TOPORS: variants seen among roughly 807,000 people sequenced by gnomAD.
The protein encoded by TOPORS is TOP1 binding arginine/serine rich protein, E3 ubiquitin ligase.
A neutral mutation model predicts 81.4 loss-of-function variants in TOPORS; 25 were observed. The observed-to-expected ratio is 0.31, with a 90% CI of 0.22 to 0.43. The LOEUF (loss-of-function observed/expected upper bound fraction) is 0.43, where lower values mean the gene tolerates loss of function less well. TOPORS is among the 20% of genes least tolerant of loss of function. The pLI is 1.00. For synonymous variants in TOPORS, 473 were observed against 456.6 expected, an observed-to-expected ratio of 1.04 and a Z score of -0.46; for missense variants, 1,101 against 1,267.0, an observed-to-expected ratio of 0.87 and a Z score of 1.99.
intron 1 of TOPORS, 102 bp from the exon 2 acceptor site, chr9:32,551,070 C>T (rs1821241905): frequency 1.5e-6 from 2 of 1,359,542 alleles, no homozygotes; most frequent in Non-Finnish European, 2.0e-6. Flanking sequence ...ACCCGCCTTC[C>T]TCACGCATGC....
intron 1 of TOPORS, chr9:32,551,429 C>T: frequency 3.1e-6 from 1 of 319,586 alleles, no homozygotes; most frequent in Non-Finnish European, 6.2e-6. Context: ...CAGAGCCCAA[C>T]CAGTATCCTA....
chr9:32,545,751 T>A (rs1265096267), intron 2 of TOPORS, among the ~76,000 whole-genome samples: 1 of 152,030 alleles, frequency 6.6e-6, no homozygotes. Context: ...TGAAACTCTG[T>A]CTCAAAACAA....
At position 32,543,838 on chromosome 9, in the gene TOPORS, CTG is replaced by C. The variant is rs780487938; in HGVS notation, c.685_686del (p.Gln229ValfsTer15). The C allele has an allele frequency of 1.2e-6, 2 of 1,614,158 alleles. No individual in the cohort carries two copies. Among genetic ancestry groups the C allele is most frequent in the Non-Finnish European group, 8.5e-7 (1 of 1,180,016 alleles). On this transcript the variant is annotated frameshift_variant, in exon 3 of 3. Transcript: ENST00000360538. LOFTEE classifies it high-confidence loss of function. The surrounding 1 kb of genome is among the most constrained non-coding windows in gnomAD (Gnocchi z 5.6). ...TCCTTACTGCAATCTGTCTCATAAA[CTG>C]AGGAATTTCAACATCTCTAGGTCTT... ...STRPRDVEIP[Q>X]FMRQIAVRRP...
Position 32,541,158 on chromosome 9 carries a change from T to C in TOPORS, c.*229A>G. On this transcript the variant is annotated 3_prime_UTR_variant, in exon 3 of 3. Transcript: ENST00000360538. ...GGACCCCAAGTTTTAAATAAGCTGCTAGCAGTATCATTTTCTTCACTTAAA... is the reference window on the plus strand; with the variant it reads ...GGACCCCAAGTTTTAAATAAGCTGCCAGCAGTATCATTTTCTTCACTTAAA... 1 of 420,446 alleles carries C rather than the reference T, an allele frequency of 2.4e-6. No homozygotes were observed. Among genetic ancestry groups the C allele is most frequent in the Non-Finnish European group, 4.3e-6 (1 of 233,308 alleles). The allele number at this position is 420,446 out of a possible 1,614,324, so 26.0% of individuals were successfully genotyped here. A position where few individuals can be genotyped will look rare whatever the true frequency, so the allele number is the denominator to read the frequency against.
At chr9:32,545,676 G>A (rs534077790) in intron 2 of TOPORS, among the ~76,000 whole-genome samples, 7 of 152,068 alleles carry the variant, frequency 4.6e-5, no homozygotes, top group African/African-American at 1.7e-4. Flanking sequence ...CAGGAGAATC[G>A]CTTGAACCCA....
rs1403651559 is a variant in TOPORS, at chr9:32,540,839, T to C, written c.*548A>G. The C allele has an allele frequency of 1.3e-5, 2 of 152,626 alleles. No individual in the cohort carries two copies. The highest frequency in any genetic ancestry group is 2.9e-5 in the Non-Finnish European group (2 of 68,066). The allele number at this position is 152,626 out of a possible 1,614,324, so 9.5% of individuals were successfully genotyped here. On this transcript the variant is annotated 3_prime_UTR_variant, in exon 3 of 3. Coordinates refer to ENST00000360538, the MANE Select transcript of TOPORS (RefSeq NM_005802.5). The stretch of plus-strand genomic sequence containing the variant: ...GAATACACATTTGTTTTACTGGCAG[T>C]CCAGATAAACAAGTATATAAAGGAA...
chr9:32,547,999 ATTTTTT>A (rs747727912), intron 2 of TOPORS, among the ~76,000 whole-genome samples: 8 of 83,732 alleles, frequency 9.6e-5, no homozygotes, highest in South Asian at 4.4e-4. Flanking sequence ...CACGCTCGGC[ATTTTTT>A]TTTTTTTTTT....
chr9:32,541,374 T>C lies in TOPORS; in HGVS notation c.*13A>G, dbSNP rs865876076. 4 of 1,613,634 alleles carry C rather than the reference T, an allele frequency of 2.5e-6. No individual in the cohort carries two copies. Among genetic ancestry groups the C allele is most frequent in the Middle Eastern group, 1.6e-4 (1 of 6,084 alleles). On this transcript the variant is annotated 3_prime_UTR_variant, in exon 3 of 3. Coordinates refer to ENST00000360538, the MANE Select transcript of TOPORS (RefSeq NM_005802.5). ...TATAACATCATAATTCTCAATGAAA[T>C]GCTTTGGCAGTTTTAAGACATATCA... is the stretch of plus-strand genomic sequence containing the variant.
chr9:32,543,745 T>G lies in TOPORS; in HGVS notation c.780A>C (p.Arg260=). 2 of 1,611,642 alleles carry G rather than the reference T, an allele frequency of 1.2e-6. No homozygotes were observed. The change falls in exon 3 of 3, where the codon CGA becomes CGC. Residue 260 remains arginine (R), a synonymous_variant. Coordinates refer to ENST00000360538, the MANE Select transcript of TOPORS (RefSeq NM_005802.5). This position sits in a 1 kb window ranked among gnomAD's most constrained non-coding sequence, Gnocchi z 5.6. The stretch of plus-strand genomic sequence containing the variant: ...CTCGAGCACCAGCACGATAAAGAGT[T>G]CGTCTAAAATTAATAATATCTTGTT... ...IQEQDIINFR[R]TLYRAGARVR...
intron 2 of TOPORS, among the ~76,000 whole-genome samples, chr9:32,546,024 T>C (rs1821136325): frequency 6.6e-6 from 1 of 152,242 alleles, no homozygotes; most frequent in Non-Finnish European, 1.5e-5. Context: ...CTGCTCACTT[T>C]AGGGCATCTT....
chr9:32,541,524 C>T lies in TOPORS; in HGVS notation c.3001G>A (p.Glu1001Lys). Residue 1001 changes from glutamate to lysine, a missense_variant, in exon 3 of 3, where the codon GAG becomes AAG. Around this residue, in one of 9 missense-constraint regions of TOPORS, gnomAD observed 605 missense variants for 636.1 expected, o/e 0.95. Transcript: ENST00000360538. ...SVEQTLDVRE[E>K]STFVSDLENQ... is the part of the protein sequence containing the mutation. Reference sequence around the variant, plus strand: ...TCCAAATCAGAAACAAAGGTGCTCTCTTCTCTTACATCGAGAGTTTGTTCA... The same window carrying T: ...TCCAAATCAGAAACAAAGGTGCTCTTTTCTCTTACATCGAGAGTTTGTTCA... 1 of 1,614,178 alleles carries T rather than the reference C, an allele frequency of 6.2e-7. No homozygotes were observed. Among genetic ancestry groups the T allele is most frequent in the South Asian group, 1.1e-5 (1 of 91,078 alleles).
At chr9:32,550,220 G>A (rs1157759370) in intron 2 of TOPORS, among the ~76,000 whole-genome samples, 3 of 152,108 alleles carry the variant, frequency 2.0e-5, no homozygotes, top group Admixed American at 1.3e-4. Context: ...AACCCATGAG[G>A]AAAGCTGCAG....
At chr9:32,551,026 C>CCCA in intron 1 of TOPORS, 58 bp from the exon 2 acceptor site, 2 of 1,574,444 alleles carry the variant, frequency 1.3e-6, no homozygotes, top group Non-Finnish European at 1.7e-6. Context: ...GAGAGCGAGA[C>CCCA]CCACCCCCCA....
In TOPORS at chr9:32,543,457, G is replaced by A; in HGVS notation, c.1068C>T (p.Ile356=). ...NRTEHFIHEF[I]SFARSPFNMA... is the part of the protein sequence containing the mutation. ...TGTTAAAAGGAGATCGGGCAAAACT[G>A]ATAAATTCATGTATAAAATGCTCAG... The change falls in exon 3 of 3, where the codon ATC becomes ATT. Residue 356 remains isoleucine, a synonymous_variant. Transcript: ENST00000360538. The surrounding 1 kb of genome is among the most constrained non-coding windows in gnomAD (Gnocchi z 5.6). The A allele has an allele frequency of 6.2e-7, 1 of 1,613,840 alleles. No individual in the cohort carries two copies. The highest frequency in any genetic ancestry group is 1.3e-5 in the African/African-American group (1 of 75,044).
At position 32,543,759 on chromosome 9, in the gene TOPORS, T is replaced by A. The variant is rs1179177256; in HGVS notation, c.766A>T (p.Ile256Phe). Residue 256 changes from isoleucine to phenylalanine, a missense_variant, in exon 3 of 3, where the codon ATT becomes TTT. Transcript: ENST00000360538. This position sits in a 1 kb window ranked among gnomAD's most constrained non-coding sequence, Gnocchi z 5.6. ...SLRKIQEQDI[I>F]NFRRTLYRAG... ...CGATAAAGAGTTCGTCTAAAATTAA[T>A]AATATCTTGTTCTTGAATTTTCCGC... The A allele has an allele frequency of 2.5e-6, 4 of 1,611,210 alleles. No homozygotes were observed. Among genetic ancestry groups the A allele is most frequent in the Non-Finnish European group, 3.4e-6 (4 of 1,178,274 alleles).
At chr9:32,545,812 A>G (rs1469538846) in intron 2 of TOPORS, among the ~76,000 whole-genome samples, 1 of 152,176 alleles carries the variant, frequency 6.6e-6, no homozygotes, top group Non-Finnish European at 1.5e-5. Flanking sequence ...CCCAGGGCCT[A>G]ATATTCATCT....
chr9:32,548,651 C>A (rs1196012224), intron 2 of TOPORS, among the ~76,000 whole-genome samples: 1 of 152,146 alleles, frequency 6.6e-6, no homozygotes, highest in African/African-American at 2.4e-5. Context: ...GCCTGTGTTA[C>A]GGGTTTTCCA....
rs1348881770 is a variant in TOPORS, at chr9:32,541,517, G to C, written c.3008C>G (p.Thr1003Ser). The change falls in exon 3 of 3, where the codon ACC (threonine) becomes AGC (serine). Residue 1003 changes from threonine (T) to serine (S), a missense_variant. Around this residue, in one of 9 missense-constraint regions of TOPORS, gnomAD observed 605 missense variants for 636.1 expected, o/e 0.95. Transcript: ENST00000360538. ...EQTLDVREES[T>S]FVSDLENQPS... ...CTGGTTCTCCAAATCAGAAACAAAG[G>C]TGCTCTCTTCTCTTACATCGAGAGT... 1 of 1,614,096 alleles carries C rather than the reference G, an allele frequency of 6.2e-7. No individual in the cohort carries two copies. The highest frequency in any genetic ancestry group is 8.5e-7 in the Non-Finnish European group (1 of 1,180,036).
At chr9:32,551,714 G>C in intron 1 of TOPORS, 2 of 396,126 alleles carry the variant, frequency 5.0e-6, no homozygotes, top group South Asian at 3.4e-5. Context: ...CCACCAAACT[G>C]CCGTGCTCGG....
Sources: gnomAD v4.1 joint callset for allele counts (sites outside exome capture counted in the v4.1 genomes callset) on GRCh38, gnomAD v4.1.1 for gene constraint, gnomAD v4.1.1 regional missense constraint, Gnocchi (gnomAD v3.1) non-coding constraint, MANE v1.5 for transcripts, NCBI Gene and HGNC (gene_info 2026-07-23, HGNC 2026-07-21) for gene names.